TMEM117: variants seen among roughly 807,000 people sequenced by gnomAD.
TMEM117 encodes transmembrane protein 117.
A neutral mutation model predicts 52.4 loss-of-function variants in TMEM117; 27 were observed. That is an observed-to-expected ratio of 0.51 (90% confidence interval 0.38 to 0.71). TMEM117 has a LOEUF of 0.71. TMEM117 is among the 30% of genes least tolerant of loss of function. The pLI is 0.00. For synonymous variants in TMEM117, 215 were observed against 206.3 expected (o/e 1.04, Z -0.36); for missense variants, 556 against 630.5 (o/e 0.88, Z 1.26).
At chr12:44,081,897 A>G (rs1947486947) in intron 3 of TMEM117, among the ~76,000 whole-genome samples, 1 of 152,058 alleles carries the variant, frequency 6.6e-6, no homozygotes, top group Non-Finnish European at 1.5e-5. Context: ...CAGAACCACA[A>G]TTACTATGAG....
intron 4 of TMEM117, among the ~76,000 whole-genome samples, chr12:44,190,703 A>G (rs1019562047): frequency 1.3e-5 from 2 of 152,028 alleles, no homozygotes; most frequent in Non-Finnish European, 2.9e-5. Context: ...GCCCTCATCC[A>G]GTTTCTGGCA....
chr12:44,218,602 A>G (rs1442085922), intron 5 of TMEM117, among the ~76,000 whole-genome samples: 3 of 152,206 alleles, frequency 2.0e-5, no homozygotes, highest in Admixed American at 6.5e-5. Context: ...CTTCTTTTCA[A>G]CATAGTACTA....
At chr12:44,036,306 G>C (rs920532105) in intron 3 of TMEM117, among the ~76,000 whole-genome samples, 1 of 152,152 alleles carries the variant, frequency 6.6e-6, no homozygotes, top group Non-Finnish European at 1.5e-5. Context: ...CTACCACTCA[G>C]CTTAAGCAAC....
chr12:44,370,685 T>C (rs952186971), intron 6 of TMEM117, among the ~76,000 whole-genome samples: 1 of 152,084 alleles, frequency 6.6e-6, no homozygotes, highest in South Asian at 2.1e-4. Flanking sequence ...GCCTGGCTAA[T>C]TTTTGTATTT....
intron 2 of TMEM117, among the ~76,000 whole-genome samples, chr12:43,870,863 C>T (rs898106458): frequency 6.6e-6 from 1 of 152,184 alleles, no homozygotes; most frequent in African/African-American, 2.4e-5. Flanking sequence ...CCGCTCACTG[C>T]AACCTCTGCC....
intron 3 of TMEM117, among the ~76,000 whole-genome samples, chr12:44,142,112 ACT>A (rs1225653413): frequency 6.6e-6 from 1 of 152,054 alleles, no homozygotes; most frequent in Non-Finnish European, 1.5e-5. Context: ...AGTTGCAAAA[ACT>A]CTGTAAATCT....
At chr12:44,245,975 T>A (rs1365799440) in intron 5 of TMEM117, among the ~76,000 whole-genome samples, 1 of 152,130 alleles carries the variant, frequency 6.6e-6, no homozygotes, top group Non-Finnish European at 1.5e-5. Context: ...TGCACCATTT[T>A]TTAAAAACTA....
intron 6 of TMEM117, among the ~76,000 whole-genome samples, chr12:44,323,547 C>T (rs1951160000): frequency 6.6e-6 from 1 of 152,026 alleles, no homozygotes; most frequent in African/African-American, 2.4e-5. Flanking sequence ...TTTTTTCTTA[C>T]CCATTTGACC....
chr12:44,082,280 A>G (rs1947493742), intron 3 of TMEM117, among the ~76,000 whole-genome samples: 2 of 151,906 alleles, frequency 1.3e-5, no homozygotes, highest in South Asian at 4.1e-4. Context: ...TCTTAGTCCA[A>G]ATTCAACATT....
At chr12:44,101,435 G>A (rs993627935) in intron 3 of TMEM117, among the ~76,000 whole-genome samples, 31 of 151,784 alleles carry the variant, frequency 2.0e-4, no homozygotes, top group African/African-American at 7.3e-4. Context: ...AACGTTCCCT[G>A]AATGTGGGTC....
chr12:43,806,044 CA>C, the TMEM117 span: 24 of 1,519,216 alleles, frequency 1.6e-5, no homozygotes, highest in Non-Finnish European at 2.0e-5. Context: ...GAGGAGGACG[CA>C]GGCCGGCAGC....
chr12:43,909,669 C>G (rs1481105956), intron 2 of TMEM117, among the ~76,000 whole-genome samples: 1 of 152,090 alleles, frequency 6.6e-6, no homozygotes, highest in Non-Finnish European at 1.5e-5. Context: ...GATATCACCA[C>G]TGCTCCCACA....
chr12:43,956,304 A>C (rs73085709), intron 3 of TMEM117, among the ~76,000 whole-genome samples: 9,900 of 152,260 alleles, frequency 0.065, 402 homozygotes, highest in Middle Eastern at 0.14. Flanking sequence ...CGTCTAATTA[A>C]ACTAAAGAGC....
the TMEM117 span, chr12:43,805,597 A>G: frequency 4.2e-6 from 2 of 474,980 alleles, no homozygotes; most frequent in African/African-American, 4.0e-5. Context: ...GTCTGCACGC[A>G]TTACATGCAA....
At chr12:43,914,819 T>C (rs909605325) in intron 2 of TMEM117, among the ~76,000 whole-genome samples, 3 of 152,148 alleles carry the variant, frequency 2.0e-5, no homozygotes, top group Non-Finnish European at 2.9e-5. Flanking sequence ...AGGGTAGAGA[T>C]TGATGGTATT....
chr12:44,042,789 CACACACACACACACACACA>C (rs1319998379), intron 3 of TMEM117, among the ~76,000 whole-genome samples: 8 of 151,254 alleles, frequency 5.3e-5, no homozygotes, highest in Non-Finnish European at 7.4e-5. Flanking sequence ...CACACACACA[CACACACACACACACACACA>C]CTTATTAGTT....
intron 5 of TMEM117, among the ~76,000 whole-genome samples, chr12:44,233,223 A>G (rs1949954559): frequency 2.0e-5 from 3 of 151,254 alleles, no homozygotes; most frequent in Non-Finnish European, 4.5e-5. Flanking sequence ...TGATGTTTGC[A>G]GAGAGTTCAT....
intron 5 of TMEM117, among the ~76,000 whole-genome samples, chr12:44,285,820 A>G (rs1950631789): frequency 6.6e-6 from 1 of 152,234 alleles, no homozygotes; most frequent in South Asian, 2.1e-4. Context: ...CTTAGTGTTC[A>G]CAGGCAACTG....
chr12:44,128,184 C>T (rs1338939851), intron 3 of TMEM117, among the ~76,000 whole-genome samples: 2 of 152,212 alleles, frequency 1.3e-5, no homozygotes, highest in Non-Finnish European at 2.9e-5. Context: ...CAGCCCTGAG[C>T]TGCCCTCTCC....
Sources: gnomAD v4.1 joint callset for allele counts (sites outside exome capture counted in the v4.1 genomes callset) on GRCh38, gnomAD v4.1.1 for gene constraint, MANE v1.5 for transcripts, NCBI Gene and HGNC (gene_info 2026-07-23, HGNC 2026-07-21) for gene names.